SKIL: variants seen among roughly 807,000 people sequenced by gnomAD.
SKIL encodes the protein ski-like protein.
SKIL carries 20 observed loss-of-function variants against 69.6 expected under a neutral mutation model. That is an observed-to-expected ratio of 0.29 (90% CI 0.20 to 0.42). The LOEUF is 0.42. SKIL is among the 10% of genes least tolerant of loss of function. SKIL has a pLI of 1.00. For synonymous variants in SKIL, 310 were observed against 279.9 expected (o/e 1.11, Z -1.08); for missense variants, 745 against 783.1 (o/e 0.95, Z 0.58).
chr3:170,378,553 C>CTTTTTTT (rs373084445), intron 2 of SKIL, among the ~76,000 whole-genome samples: 76,337 of 117,684 alleles, frequency 0.65, 26,247 homozygotes, highest in East Asian at 0.77. Flanking sequence ...CTCTCTCTCT[C>CTTTTTTT]TTTTTTTTTT....
chr3:170,368,544 G>A (rs1736651819), intron 2 of SKIL, among the ~76,000 whole-genome samples: 1 of 152,090 alleles, frequency 6.6e-6, no homozygotes, highest in South Asian at 2.1e-4. Context: ...TCAAACAAGA[G>A]AATGAGCATT....
At chr3:170,369,719 T>A (rs768224606) in intron 2 of SKIL, among the ~76,000 whole-genome samples, 1 of 152,126 alleles carries the variant, frequency 6.6e-6, no homozygotes, top group Non-Finnish European at 1.5e-5. Context: ...CTAATTTTAA[T>A]CCCTTTAGAA....
At chr3:170,381,564 C>T (rs535084746) in intron 3 of SKIL, among the ~76,000 whole-genome samples, 98 of 151,994 alleles carry the variant, frequency 6.4e-4, no homozygotes, top group African/African-American at 2.0e-3. Context: ...TCCCGAGTAG[C>T]GGGGACTACA....
intron 2 of SKIL, 142 bp from the exon 3 acceptor site, chr3:170,381,102 C>G (rs1335511426): frequency 5.6e-6 from 3 of 531,982 alleles, no homozygotes; most frequent in Middle Eastern, 2.9e-4. Context: ...GCTGGGAATA[C>G]AGGTGTGAAC....
chr3:170,378,823 C>G (rs1737176502), intron 2 of SKIL, among the ~76,000 whole-genome samples: 2 of 150,450 alleles, frequency 1.3e-5, no homozygotes, highest in Non-Finnish European at 3.0e-5. Context: ...GCATGAGCTG[C>G]TGCACCCGAC....
At position 170,376,872 on chromosome 3, in the gene SKIL, G is replaced by T. The variant is rs77686284; in HGVS notation, c.1099-4372G>T. Among the ~76,000 whole-genome samples the T allele has an allele frequency of 8.1e-3, 1,237 of 152,256 alleles. 20 individuals carry two copies. The highest frequency in any genetic ancestry group is 0.029 in the African/African-American group (1,194 of 41,546). On this transcript the variant is annotated intron_variant, in intron 2 of 6. Transcript: ENST00000259119. The stretch of plus-strand genomic sequence containing the variant: ...TAATATCACAGATGTGAGCCGTTGC[G>T]CCTGGCCAACTCAAGATTCTTAAAC...
At chr3:170,368,284 G>T (rs1577416002) in intron 2 of SKIL, among the ~76,000 whole-genome samples, 1 of 152,162 alleles carries the variant, frequency 6.6e-6, no homozygotes, top group Admixed American at 6.5e-5. Flanking sequence ...GGACCATTAT[G>T]AATACTTTTG....
At position 170,360,383 on chromosome 3, in the gene SKIL, C is replaced by T; in HGVS notation, c.52C>T (p.Leu18=). 1 of 1,601,064 alleles carries T rather than the reference C, an allele frequency of 6.2e-7. No homozygotes were observed. Among genetic ancestry groups the T allele is most frequent in the Non-Finnish European group, 8.5e-7 (1 of 1,174,194 alleles). Residue 18 remains leucine (L), a synonymous_variant, in exon 2 of 7, where the codon CTG becomes TTG. Transcript: ENST00000259119. The part of the protein sequence containing the change: ...FSLVQGSTKK[L]NGMGDDGSPP... ...CTTGGTTCAGGGCTCAACTAAAAAACTGAATGGGATGGGAGATGATGGCAG... is the reference window on the plus strand; with the variant it reads ...CTTGGTTCAGGGCTCAACTAAAAAATTGAATGGGATGGGAGATGATGGCAG...
intron 2 of SKIL, among the ~76,000 whole-genome samples, chr3:170,367,302 G>A (rs1736578621): frequency 6.6e-6 from 1 of 151,874 alleles, no homozygotes; most frequent in Admixed American, 6.6e-5. Context: ...AGTAGAGACG[G>A]GGTTTCACCG....
At chr3:170,361,465 G>A (rs749850230) in intron 2 of SKIL, 36 bp downstream of exon 2, 102 of 1,451,188 alleles carry the variant, frequency 7.0e-5, no homozygotes, top group Non-Finnish European at 9.3e-5. Context: ...TAATGGTAAT[G>A]GTTTACTTTG....
At chr3:170,367,848 A>G (rs905318541) in intron 2 of SKIL, among the ~76,000 whole-genome samples, 17 of 152,076 alleles carry the variant, frequency 1.1e-4, no homozygotes, top group Non-Finnish European at 2.4e-4. Flanking sequence ...CTTAGGGGGG[A>G]AAAATCTCTA....
chr3:170,373,068 A>C (rs1462882432), intron 2 of SKIL, among the ~76,000 whole-genome samples: 1 of 148,452 alleles, frequency 6.7e-6, no homozygotes, highest in Non-Finnish European at 1.5e-5. Context: ...GCTCACAGCA[A>C]CCTCGACAAC....
intron 2 of SKIL, 108 bp downstream of exon 2, chr3:170,361,537 A>G (rs1419273948): frequency 3.5e-6 from 3 of 857,320 alleles, no homozygotes; most frequent in Admixed American, 2.5e-5. Flanking sequence ...CTCATGCAAC[A>G]ACAACAAAAT....
chr3:170,358,845 A>G (rs1736074373), intron 1 of SKIL, among the ~76,000 whole-genome samples: 2 of 152,218 alleles, frequency 1.3e-5, no homozygotes, highest in Admixed American at 1.3e-4. Context: ...CGTGGAGTCT[A>G]TAGCTTTTGG....
Position 170,360,382 on chromosome 3 carries a change from A to G in SKIL, c.51A>G (p.Lys17=), listed in dbSNP as rs571337032. 1.9e-6 allele frequency: 3 copies of G among 1,601,336 alleles called. No individual in the cohort carries two copies. Among genetic ancestry groups the G allele is most frequent in the Non-Finnish European group, 2.6e-6 (3 of 1,174,216 alleles). ...NFSLVQGSTK[K]LNGMGDDGSP... ...CCTTGGTTCAGGGCTCAACTAAAAA[A>G]CTGAATGGGATGGGAGATGATGGCA... The change falls in exon 2 of 7, where the codon AAA becomes AAG. Residue 17 remains lysine, a synonymous_variant. Transcript: ENST00000259119.
At chr3:170,358,286 G>A (rs2108887593) in intron 1 of SKIL, among the ~76,000 whole-genome samples, 1 of 152,110 alleles carries the variant, frequency 6.6e-6, no homozygotes, top group East Asian at 1.9e-4. Flanking sequence ...GTGCGCGGGG[G>A]GGTGGATTTC....
Position 170,390,394 on chromosome 3 carries a change from T to A in SKIL, c.1601T>A (p.Val534Glu). 6.2e-7 allele frequency: 1 copy of A among 1,612,794 alleles called. No individual in the cohort carries two copies. The highest frequency in any genetic ancestry group is 8.5e-7 in the Non-Finnish European group (1 of 1,178,708). ...EDDKGKIMEE[V>E]MRTYLKQQEK... ...GATAAGGGAAAAATCATGGAAGAAGTAATGAGAACTTATTTAAAACAACAG... is the reference window on the plus strand; with the variant it reads ...GATAAGGGAAAAATCATGGAAGAAGAAATGAGAACTTATTTAAAACAACAG... Residue 534 changes from valine to glutamate, a missense_variant, in exon 5 of 7, where the codon GTA (valine) becomes GAA (glutamate). Physicochemically the swap from Val to Glu is moderately radical, Grantham distance 121. Coordinates refer to ENST00000259119, the MANE Select transcript of SKIL (RefSeq NM_005414.5).
intron 2 of SKIL, among the ~76,000 whole-genome samples, chr3:170,365,752 C>CTTTGTTTTTTTTTTTTT (rs1736468291): frequency 9.4e-6 from 1 of 106,498 alleles, no homozygotes; most frequent in Non-Finnish European, 1.8e-5. Context: ...TCAAACTAGG[C>CTTTGTTTTTTTTTTTTT]TTTTTTTTTT....
chr3:170,365,956 A>C (rs550930097), intron 2 of SKIL, among the ~76,000 whole-genome samples: 1 of 151,478 alleles, frequency 6.6e-6, no homozygotes, highest in East Asian at 1.9e-4. Flanking sequence ...GGGTTTCACC[A>C]TGCTGGCCAG....
Sources: allele counts gnomAD v4.1 joint callset (sites outside exome capture counted in the v4.1 genomes callset), GRCh38; gene constraint gnomAD v4.1.1; transcripts MANE v1.5; gene names NCBI Gene and HGNC (gene_info 2026-07-23, HGNC 2026-07-21).